The following ZNF385D variants were observed in gnomAD, a reference collection of about 807,000 sequenced individuals.
ZNF385D encodes zinc finger protein 385D.
In ZNF385D, 15 loss-of-function variants were observed where a neutral mutation model predicts 35.8. The ratio of observed to expected loss-of-function variants is 0.42; its 90% CI spans 0.28 to 0.64. The LOEUF is 0.64. Among genes scored for constraint, ZNF385D ranks in the 30% least tolerant of loss-of-function variants. The pLI, the probability that ZNF385D is intolerant of heterozygous loss-of-function variation, is 0.23. For missense variants in ZNF385D, 474 were observed against 494.6 expected (o/e 0.96, Z 0.39); for synonymous variants, 212 against 186.8 (o/e 1.13, Z -1.10).
chr3:21,690,829 T>A (rs1013142314), intron 1 of ZNF385D, among the ~76,000 whole-genome samples: 1 of 152,218 alleles, frequency 6.6e-6, no homozygotes, highest in East Asian at 1.9e-4. Context: ...CAGATGATTC[T>A]GATGCACATT....
Position 21,928,904 on chromosome 3 carries a change from A to C in ZNF385D, c.325+239913T>G, listed in dbSNP as rs555896366. On this transcript the variant is annotated intron_variant, in intron 3 of 5. Coordinates refer to the ZNF385D transcript ENST00000494108. ...CGTGAATTCTGTCAAACAATTTAAA[A>C]GGAAATAATACCAATCCTATGCAAA... 6.6e-4 allele frequency among the ~76,000 whole-genome samples: 100 copies of C among 152,322 alleles called. 2 individuals are homozygous for C. In the South Asian group the frequency reaches 0.013, roughly 20 times the overall value.
At chr3:21,735,141 G>C (rs2069186682) in intron 1 of ZNF385D, among the ~76,000 whole-genome samples, 1 of 152,150 alleles carries the variant, frequency 6.6e-6, no homozygotes, top group Non-Finnish European at 1.5e-5. Context: ...CTGGAGGTTT[G>C]AATTCAGTAA....
At chr3:21,690,060 A>T (rs2067231990) in intron 1 of ZNF385D, among the ~76,000 whole-genome samples, 1 of 152,138 alleles carries the variant, frequency 6.6e-6, no homozygotes, top group Non-Finnish European at 1.5e-5. Context: ...TTATTAAAAA[A>T]TCCTTTATTC....
At chr3:21,611,354 C>A (rs1423630177) in intron 2 of ZNF385D, among the ~76,000 whole-genome samples, 1 of 152,162 alleles carries the variant, frequency 6.6e-6, no homozygotes, top group Non-Finnish European at 1.5e-5. Flanking sequence ...CGCTTGCAAT[C>A]CAGGTGGGCT....
intron 2 of ZNF385D, among the ~76,000 whole-genome samples, chr3:21,626,607 C>A (rs565479691): frequency 6.6e-6 from 1 of 151,992 alleles, no homozygotes; most frequent in Non-Finnish European, 1.5e-5. Flanking sequence ...ATATGGGTGG[C>A]CAGCCTTGGC....
At chr3:22,351,540 T>C (rs1376014535) in intron 2 of ZNF385D, among the ~76,000 whole-genome samples, 1 of 152,176 alleles carries the variant, frequency 6.6e-6, no homozygotes. Flanking sequence ...CAGATTTTTA[T>C]ACACAATGCT....
At chr3:22,313,361 G>C (rs149761938) in intron 2 of ZNF385D, among the ~76,000 whole-genome samples, 2,342 of 151,818 alleles carry the variant, frequency 0.015, 54 homozygotes, top group African/African-American at 0.053. Context: ...TAACAAACCT[G>C]CACGTTGTGC....
chr3:22,316,639 T>G (rs1014941445), intron 2 of ZNF385D, among the ~76,000 whole-genome samples: 1 of 152,192 alleles, frequency 6.6e-6, no homozygotes, highest in African/African-American at 2.4e-5. Flanking sequence ...TTGAGCAACT[T>G]ATTCAGATTC....
intron 2 of ZNF385D, among the ~76,000 whole-genome samples, chr3:22,285,628 C>G (rs997403987): frequency 2.6e-5 from 4 of 151,946 alleles, no homozygotes; most frequent in African/African-American, 9.7e-5. Flanking sequence ...GTGTGCCGCA[C>G]CCATCAACTC....
At chr3:22,195,704 T>C (rs1559444650) in intron 2 of ZNF385D, among the ~76,000 whole-genome samples, 1 of 152,066 alleles carries the variant, frequency 6.6e-6, no homozygotes, top group Non-Finnish European at 1.5e-5. Flanking sequence ...CATTAGATAT[T>C]ATTTATTTTT....
intron 4 of ZNF385D, among the ~76,000 whole-genome samples, chr3:21,468,270 C>T (rs180824898): frequency 1.3e-5 from 2 of 151,394 alleles, no homozygotes; most frequent in East Asian, 2.0e-4. Flanking sequence ...ACTGTGGTGG[C>T]GGGCACCTGT....
chr3:22,222,568 T>C lies in ZNF385D; in HGVS notation c.107-53533A>G, dbSNP rs1698321835. Among the ~76,000 whole-genome samples, 3 of 152,160 alleles carry C rather than the reference T, an allele frequency of 2.0e-5. No homozygotes were observed. The South Asian group carries it at 6.2e-4, about 32-fold the overall frequency. Reference sequence around the variant, plus strand: ...CTTTATCTCTGGACTTGAACTAGGCTTGCATAACAGGAACTAGCAGGACAA... The same window carrying C: ...CTTTATCTCTGGACTTGAACTAGGCCTGCATAACAGGAACTAGCAGGACAA... On this transcript the variant is annotated intron_variant, in intron 2 of 5. Transcript: ENST00000494108.
chr3:22,242,067 G>A (rs1235939611), intron 2 of ZNF385D, among the ~76,000 whole-genome samples: 1 of 148,340 alleles, frequency 6.7e-6, no homozygotes, highest in African/African-American at 2.5e-5. Flanking sequence ...ACACTCTGGG[G>A]ACTGTTGTGG....
chr3:21,854,142 A>C (rs896153020), intron 3 of ZNF385D, among the ~76,000 whole-genome samples: 4 of 151,952 alleles, frequency 2.6e-5, no homozygotes, highest in African/African-American at 9.7e-5. Context: ...ATTACTTAGC[A>C]TGCACAAAAG....
At chr3:21,647,403 TCC>T (rs1559486861) in intron 2 of ZNF385D, among the ~76,000 whole-genome samples, 2 of 148,098 alleles carry the variant, frequency 1.4e-5, no homozygotes, top group Admixed American at 6.8e-5. Context: ...CCTTCTTCTC[TCC>T]CTCTTTTCCT....
intron 3 of ZNF385D, among the ~76,000 whole-genome samples, chr3:21,902,260 C>T (rs1699451374): frequency 6.6e-6 from 1 of 152,106 alleles, no homozygotes; most frequent in Non-Finnish European, 1.5e-5. Context: ...TCATAAAGGC[C>T]TCAAACAGTA....
At chr3:21,860,297 G>A (rs1294787015) in intron 3 of ZNF385D, among the ~76,000 whole-genome samples, 1 of 152,084 alleles carries the variant, frequency 6.6e-6, no homozygotes, top group Non-Finnish European at 1.5e-5. Context: ...ACAGTCATCT[G>A]TAAACAAATG....
At chr3:21,922,033 GAC>G (rs1700489319) in intron 3 of ZNF385D, among the ~76,000 whole-genome samples, 1 of 152,014 alleles carries the variant, frequency 6.6e-6, no homozygotes, top group African/African-American at 2.4e-5. Flanking sequence ...ACCTGCCAAA[GAC>G]ACAACGAGAA....
intron 2 of ZNF385D, among the ~76,000 whole-genome samples, chr3:22,174,728 T>C (rs925112140): frequency 1.3e-5 from 2 of 152,126 alleles, no homozygotes; most frequent in Admixed American, 1.3e-4. Flanking sequence ...AGATACTTCA[T>C]GGCGATAACA....
Sources: allele counts gnomAD v4.1 joint callset (sites outside exome capture counted in the v4.1 genomes callset), GRCh38; gene constraint gnomAD v4.1.1; transcripts MANE v1.5; gene names NCBI Gene and HGNC (gene_info 2026-07-23, HGNC 2026-07-21).